Variants in RAB5A observed in about 807,000 individuals in gnomAD.
RAB5A encodes the protein ras-related protein Rab-5A.
Under a neutral mutation model 25.7 loss-of-function variants are expected in RAB5A, and 8 were observed. The ratio of observed to expected loss-of-function variants is 0.31; its 90% CI spans 0.18 to 0.56. The LOEUF is 0.56. Among genes scored for constraint, RAB5A ranks in the 20% least tolerant of loss-of-function variants. The probability of loss-of-function intolerance (pLI) is 0.91; values close to 1 mark genes in which losing one functional copy is unlikely to be tolerated. For synonymous variants in RAB5A, 98 were observed against 89.8 expected, an observed-to-expected ratio of 1.09 and a Z score of -0.52; for missense variants, 192 against 259.7, an observed-to-expected ratio of 0.74 and a Z score of 1.79.
Position 19,950,966 on chromosome 3 carries a change from T to A in RAB5A, c.68T>A (p.Leu23Gln). 6.2e-7 allele frequency: 1 copy of A among 1,614,108 alleles called. No homozygotes were observed. Among genetic ancestry groups the A allele is most frequent in the Non-Finnish European group, 8.5e-7 (1 of 1,179,982 alleles). Residue 23 changes from leucine (L) to glutamine (Q), a missense_variant, in exon 2 of 6, where the codon CTA becomes CAA. Coordinates refer to ENST00000273047, the MANE Select transcript of RAB5A (RefSeq NM_004162.5). Reference sequence around the variant, plus strand: ...GGAAATAAAATATGCCAGTTCAAACTAGTACTTCTGGGAGAGTCCGCTGTT... The same window carrying A: ...GGAAATAAAATATGCCAGTTCAAACAAGTACTTCTGGGAGAGTCCGCTGTT... Reference protein sequence around the residue: ...NTGNKICQFKLVLLGESAVGK... With the variant: ...NTGNKICQFKQVLLGESAVGK...
chr3:19,954,597 C>T (rs1350838807), intron 2 of RAB5A, among the ~76,000 whole-genome samples: 3 of 152,076 alleles, frequency 2.0e-5, no homozygotes, highest in East Asian at 1.9e-4. Flanking sequence ...GTGGGCAGAT[C>T]GCTTGAGTCC....
In RAB5A at chr3:19,950,207, G is replaced by A. The variant is rs185330824; in HGVS notation, c.-93-599G>A. On this transcript the variant is annotated intron_variant, in intron 1 of 5. Coordinates refer to ENST00000273047, the MANE Select transcript of RAB5A (RefSeq NM_004162.5). ...ATGAGGAAACAGTTTTAAGTCTGCC[G>A]TTAGGCACACAAACCTGGGAGACTG... is the stretch of plus-strand genomic sequence containing the variant. 4.6e-5 allele frequency among the ~76,000 whole-genome samples: 7 copies of A among 152,246 alleles called. No individual in the cohort carries two copies. In the East Asian group the frequency reaches 1.3e-3, roughly 29 times the overall value.
chr3:19,962,003 C>A (rs532885520), intron 2 of RAB5A, among the ~76,000 whole-genome samples: 1 of 152,330 alleles, frequency 6.6e-6, no homozygotes, highest in East Asian at 1.9e-4. Context: ...TCACTCTGAT[C>A]TTTTCCTTGC....
intron 4 of RAB5A, 99 bp downstream of exon 4, chr3:19,976,268 G>T (rs1396618407): frequency 6.1e-6 from 8 of 1,303,576 alleles, no homozygotes; most frequent in Non-Finnish European, 8.3e-6. Context: ...AACCATGCAA[G>T]TAATAGAAAA....
At chr3:19,970,415 T>C in intron 2 of RAB5A, 1 of 384,882 alleles carries the variant, frequency 2.6e-6, no homozygotes, top group Non-Finnish European at 5.2e-6. Context: ...TTGCTGAGGC[T>C]GAAATGTTAC....
At chr3:19,968,809 T>C (rs1696695892) in intron 2 of RAB5A, among the ~76,000 whole-genome samples, 1 of 152,186 alleles carries the variant, frequency 6.6e-6, no homozygotes, top group Non-Finnish European at 1.5e-5. Flanking sequence ...AACAAGGTTG[T>C]TTTTAATTAT....
rs761678627 is a variant in RAB5A, at chr3:19,984,247, T to A, written c.*424T>A. 1.6e-5 allele frequency: 7 copies of A among 427,672 alleles called. No individual in the cohort carries two copies. Among genetic ancestry groups the A allele is most frequent in the South Asian group, 1.2e-4 (7 of 59,428 alleles). 26.5% of individuals were successfully genotyped at this position (427,672 alleles called of 1,614,324 possible). A position where few individuals can be genotyped will look rare whatever the true frequency, so the allele number is the denominator to read the frequency against. On this transcript the variant is annotated 3_prime_UTR_variant, in exon 6 of 6. Coordinates refer to ENST00000273047, the MANE Select transcript of RAB5A (RefSeq NM_004162.5). ...GTTTAGAAGGAGATTCTAAAGTTAT[T>A]TATGATGCTTAGCCATAGTATTCAG...
At chr3:19,949,757 C>T (rs767344229) in intron 1 of RAB5A, among the ~76,000 whole-genome samples, 19 of 152,236 alleles carry the variant, frequency 1.2e-4, no homozygotes, top group South Asian at 4.2e-4. Flanking sequence ...AAAATAATGG[C>T]CTGCAGGCTG....
At chr3:19,974,456 AATGCTACTTTCCT>A (rs1696793614) in intron 2 of RAB5A, among the ~76,000 whole-genome samples, 1 of 152,108 alleles carries the variant, frequency 6.6e-6, no homozygotes, top group Non-Finnish European at 1.5e-5. Flanking sequence ...CCTGGCCTAT[AATGCTACTTTCCT>A]AGTGTTAAAA....
rs1324611972 is a variant in RAB5A at position 19,984,260 on chromosome 3, C to G, written c.*437C>G. The stretch of plus-strand genomic sequence containing the variant: ...TTCTAAAGTTATTTATGATGCTTAG[C>G]CATAGTATTCAGGCAAATGTTCATT... On this transcript the variant is annotated 3_prime_UTR_variant, in exon 6 of 6. Transcript: ENST00000273047. 9.3e-6 allele frequency: 4 copies of G among 429,434 alleles called. No homozygotes were observed. Among genetic ancestry groups the G allele is most frequent in the African/African-American group, 4.2e-5 (2 of 47,748 alleles). The allele number at this position is 429,434 out of a possible 1,614,324, so 26.6% of individuals were successfully genotyped here.
chr3:19,954,179 G>T (rs1696465369), intron 2 of RAB5A, among the ~76,000 whole-genome samples: 1 of 152,028 alleles, frequency 6.6e-6, no homozygotes, highest in Non-Finnish European at 1.5e-5. Flanking sequence ...CAATCCCAGT[G>T]AACTTTTGTA....
chr3:19,975,229 A>G (rs535453222), intron 2 of RAB5A, among the ~76,000 whole-genome samples: 21,172 of 151,468 alleles, frequency 0.14, 1,826 homozygotes, highest in Non-Finnish European at 0.2. Flanking sequence ...AAAAAAAAAA[A>G]AAGAAGAAGG....
chr3:19,947,929 T>A (rs1696351606), intron 1 of RAB5A: 1 of 152,320 alleles, frequency 6.6e-6, no homozygotes. Context: ...CCAGGCGATC[T>A]GTAGTTGGCT....
chr3:19,978,586 T>G, intron 5 of RAB5A, 183 bp downstream of exon 5: 1 of 521,674 alleles, frequency 1.9e-6, no homozygotes, highest in Non-Finnish European at 3.5e-6. Flanking sequence ...AAACAATATT[T>G]TGTTGGTAAT....
chr3:19,949,268 T>G (rs375112842), intron 1 of RAB5A, among the ~76,000 whole-genome samples: 2 of 152,210 alleles, frequency 1.3e-5, no homozygotes, highest in East Asian at 1.9e-4. Flanking sequence ...AGCTGGTGTT[T>G]AGTTAAGGCA....
chr3:19,971,197 CA>C (rs757289443), intron 2 of RAB5A, among the ~76,000 whole-genome samples: 480 of 74,750 alleles, frequency 6.4e-3, no homozygotes, highest in African/African-American at 0.018. Flanking sequence ...AACTCCATCT[CA>C]AAAAAAAAAA....
At chr3:19,978,241 G>GT in intron 4 of RAB5A, 69 bp from the exon 5 acceptor site, 1 of 1,014,454 alleles carries the variant, frequency 9.9e-7, no homozygotes, top group South Asian at 1.3e-5. Context: ...TCTATAACAA[G>GT]TTTAAAGCAG....
chr3:19,953,075 TA>T (rs575834517), intron 2 of RAB5A, among the ~76,000 whole-genome samples: 2 of 150,474 alleles, frequency 1.3e-5, no homozygotes, highest in South Asian at 2.1e-4. Flanking sequence ...ATTAAAACAA[TA>T]AAAACTCTGA....
At chr3:19,971,830 C>A (rs1227506656) in intron 2 of RAB5A, among the ~76,000 whole-genome samples, 1 of 152,112 alleles carries the variant, frequency 6.6e-6, no homozygotes, top group Non-Finnish European at 1.5e-5. Flanking sequence ...GGTTGTGTTA[C>A]AACTTGAGTA....
Sources: allele counts gnomAD v4.1 joint callset (sites outside exome capture counted in the v4.1 genomes callset), GRCh38; gene constraint gnomAD v4.1.1; transcripts MANE v1.5; gene names NCBI Gene and HGNC (gene_info 2026-07-23, HGNC 2026-07-21).